The following PIP5K1A variants were observed in gnomAD, a reference collection of about 807,000 sequenced individuals.
PIP5K1A encodes the protein phosphatidylinositol 4-phosphate 5-kinase type-1 alpha.
Under a neutral mutation model 72.9 loss-of-function variants are expected in PIP5K1A, and 46 were observed. The ratio of observed to expected loss-of-function variants is 0.63; its 90% CI spans 0.50 to 0.81. The LOEUF (loss-of-function observed/expected upper bound fraction) is 0.81. Among genes scored for constraint, PIP5K1A ranks in the 30% least tolerant of loss-of-function variants. The pLI, the probability that PIP5K1A is intolerant of heterozygous loss-of-function variation, is 0.00. For synonymous variants in PIP5K1A, 228 were observed against 255.1 expected (o/e 0.89, Z 1.01); for missense variants, 458 against 706.1 (o/e 0.65, Z 3.98).
At chr1:151,241,812 A>G (rs1002142452) in intron 12 of PIP5K1A, among the ~76,000 whole-genome samples, 28 of 152,106 alleles carry the variant, frequency 1.8e-4, no homozygotes, top group Non-Finnish European at 3.5e-4. Context: ...AAAAAAAAAA[A>G]AAAAAGGAAT....
upstream of PIP5K1A, chr1:151,198,066 G>A (rs1438678901): frequency 2.1e-6 from 1 of 470,910 alleles, no homozygotes; most frequent in South Asian, 1.5e-5. Flanking sequence ...GCCTAACTTT[G>A]TGCTTGAGGC....
At chr1:151,225,711 C>T (rs192130624) in intron 3 of PIP5K1A, among the ~76,000 whole-genome samples, 47 of 152,016 alleles carry the variant, frequency 3.1e-4, no homozygotes, top group Middle Eastern at 3.4e-3. Context: ...CTCAGGTGAT[C>T]CACCCGCCTT....
At chr1:151,197,274 TTG>T (rs967230756), upstream of PIP5K1A, among the ~76,000 whole-genome samples, 3 of 151,760 alleles carry the variant, frequency 2.0e-5, no homozygotes, top group Admixed American at 1.3e-4. Flanking sequence ...CCTGTTTTTT[TTG>T]TTTGTTTGTT....
At chr1:151,224,957 A>G (rs1483623697) in intron 3 of PIP5K1A, among the ~76,000 whole-genome samples, 1 of 152,152 alleles carries the variant, frequency 6.6e-6, no homozygotes, top group South Asian at 2.1e-4. Flanking sequence ...AACATCTTCC[A>G]GCATCTGTCA....
chr1:151,211,012 G>T (rs1686723250), intron 1 of PIP5K1A, among the ~76,000 whole-genome samples: 1 of 152,160 alleles, frequency 6.6e-6, no homozygotes, highest in African/African-American at 2.4e-5. Flanking sequence ...AGCCTTTAGT[G>T]TCCCCAAATT....
chr1:151,219,384 A>C (rs1279138550), intron 1 of PIP5K1A, among the ~76,000 whole-genome samples: 2 of 148,824 alleles, frequency 1.3e-5, no homozygotes, highest in Non-Finnish European at 3.0e-5. Flanking sequence ...CTCGTCTCAA[A>C]AAAAAAAAAA....
At chr1:151,210,033 G>A (rs1297062447) in intron 1 of PIP5K1A, among the ~76,000 whole-genome samples, 8 of 151,750 alleles carry the variant, frequency 5.3e-5, no homozygotes, top group Non-Finnish European at 7.4e-5. Context: ...ATAGGTGCCC[G>A]CCACCGTGTC....
chr1:151,202,110 C>G (rs1363255404), intron 1 of PIP5K1A, among the ~76,000 whole-genome samples: 1 of 152,204 alleles, frequency 6.6e-6, no homozygotes, highest in Non-Finnish European at 1.5e-5. Context: ...AATAACCTCT[C>G]CTTCCCAATT....
chr1:151,247,781 AAT>A, intron 15 of PIP5K1A, 80 bp from the exon 16 acceptor site: 1 of 1,201,652 alleles, frequency 8.3e-7, no homozygotes, highest in African/African-American at 1.6e-5. Context: ...CTGAGGCTGA[AAT>A]AGAAATTTCT....
At chr1:151,213,178 C>T (rs587741392) in intron 1 of PIP5K1A, among the ~76,000 whole-genome samples, 14 of 152,228 alleles carry the variant, frequency 9.2e-5, no homozygotes, top group African/African-American at 2.9e-4. Flanking sequence ...TGTGAGCAAC[C>T]GCGCCCGGCC....
intron 1 of PIP5K1A, among the ~76,000 whole-genome samples, chr1:151,217,860 A>G (rs1208700022): frequency 6.6e-6 from 1 of 151,732 alleles, no homozygotes; most frequent in African/African-American, 2.4e-5. Context: ...GCTCACTGCA[A>G]CCTCCACCTC....
chr1:151,200,626 C>T (rs1227209124), intron 1 of PIP5K1A, among the ~76,000 whole-genome samples: 1 of 152,122 alleles, frequency 6.6e-6, no homozygotes, highest in East Asian at 1.9e-4. Context: ...CACATTCCAG[C>T]TCAGATGCTG....
chr1:151,196,550 ATT>A (rs5777766), upstream of PIP5K1A, among the ~76,000 whole-genome samples: 14 of 114,748 alleles, frequency 1.2e-4, no homozygotes, highest in Non-Finnish European at 1.2e-4. Context: ...ATGCATGGGG[ATT>A]TTTTTTTTTT....
intron 1 of PIP5K1A, among the ~76,000 whole-genome samples, chr1:151,202,432 C>T (rs2101866761): frequency 6.6e-6 from 1 of 152,298 alleles, no homozygotes; most frequent in South Asian, 2.1e-4. Context: ...CCTCTGGTAC[C>T]ATGCAGACAA....
rs150844561 is a variant in PIP5K1A at position 151,222,268 on chromosome 1, A to G, written c.86-1977A>G. Reference sequence around the variant, plus strand: ...CTCTTTGTCACTTGGTCTGAGTGTTATTACTTAGACCCTAATAGCATCATC... The same window carrying G: ...CTCTTTGTCACTTGGTCTGAGTGTTGTTACTTAGACCCTAATAGCATCATC... On this transcript the variant is annotated intron_variant, in intron 1 of 15. Coordinates refer to ENST00000368888, the MANE Select transcript of PIP5K1A (RefSeq NM_001135638.2). Among the ~76,000 whole-genome samples the G allele has an allele frequency of 4.6e-3, 702 of 152,238 alleles. 4 individuals are homozygous for G. Among genetic ancestry groups the G allele is most frequent in the African/African-American group, 0.016 (677 of 41,530 alleles).
chr1:151,203,804 CAG>C (rs1685546765), intron 1 of PIP5K1A, among the ~76,000 whole-genome samples: 1 of 143,042 alleles, frequency 7.0e-6, no homozygotes, highest in Non-Finnish European at 1.5e-5. Context: ...ATCCTGGAGA[CAG>C]AGTGAGACTC....
At chr1:151,210,400 C>T (rs76061334) in intron 1 of PIP5K1A, among the ~76,000 whole-genome samples, 9,633 of 150,566 alleles carry the variant, frequency 0.064, 412 homozygotes, top group Non-Finnish European at 0.099. Flanking sequence ...ATTGCTCAGT[C>T]GATCTCAAAC....
At chr1:151,235,574 C>G (rs186373902) in intron 8 of PIP5K1A, among the ~76,000 whole-genome samples, 1 of 152,330 alleles carries the variant, frequency 6.6e-6, no homozygotes, top group East Asian at 1.9e-4. Context: ...GGTGGAGATT[C>G]AGTAAATGTT....
chr1:151,230,692 C>A (rs1392177787), intron 4 of PIP5K1A, among the ~76,000 whole-genome samples: 2 of 152,214 alleles, frequency 1.3e-5, no homozygotes, highest in Non-Finnish European at 2.9e-5. Context: ...CAGGTGCACA[C>A]CACCTCATCC....
Sources: allele counts gnomAD v4.1 joint callset (sites outside exome capture counted in the v4.1 genomes callset), GRCh38; gene constraint gnomAD v4.1.1; transcripts MANE v1.5; gene names NCBI Gene and HGNC (gene_info 2026-07-23, HGNC 2026-07-21).